Variants in SGIP1 observed in about 807,000 individuals in gnomAD.
SGIP1 encodes SH3GL interacting endocytic adaptor 1.
In SGIP1, 38 loss-of-function variants were observed where a neutral mutation model predicts 107.5. The observed-to-expected ratio is 0.35, with a 90% CI of 0.27 to 0.46. The LOEUF (loss-of-function observed/expected upper bound fraction) is 0.46, where lower values mean the gene tolerates loss of function less well. Ranked by LOEUF, SGIP1 falls within the 20% of genes least tolerant of loss-of-function variation. SGIP1 has a pLI of 1.00. For synonymous variants in SGIP1, 365 were observed against 366.1 expected, an observed-to-expected ratio of 1.00 and a Z score of 0.03; for missense variants, 929 against 1,019.5, an observed-to-expected ratio of 0.91 and a Z score of 1.21.
chr1:66,680,663 T>C (rs1484460718), intron 14 of SGIP1, among the ~76,000 whole-genome samples: 2 of 152,354 alleles, frequency 1.3e-5, no homozygotes, highest in African/African-American at 4.8e-5. Flanking sequence ...CCCTTTTATT[T>C]CCACAAATTG....
At chr1:66,566,281 T>A (rs1384013171) in intron 1 of SGIP1, among the ~76,000 whole-genome samples, 1 of 151,972 alleles carries the variant, frequency 6.6e-6, no homozygotes, top group African/African-American at 2.4e-5. Context: ...TGAGCAAGAG[T>A]GATCCCTAGG....
Position 66,651,530 on chromosome 1 carries a change from A to G in SGIP1, c.459+7811A>G, listed in dbSNP as rs944037125. On this transcript the variant is annotated intron_variant, in intron 7 of 24. Transcript: ENST00000371037. ...CACTAGCTCATTCAAAATATTTTAC[A>G]TACAATTTCTGAATGCTCACATGAA... is the stretch of plus-strand genomic sequence containing the variant. Among the ~76,000 whole-genome samples the G allele has an allele frequency of 4.7e-5, 7 of 150,058 alleles. No individual in the cohort carries two copies. In the South Asian group the frequency reaches 8.5e-4, roughly 18 times the overall value.
chr1:66,681,909 A>C lies in SGIP1; in HGVS notation c.855A>C (p.Leu285=). ...CCACAGAGGTCAAAATTGAAAAACT[A>C]CCATCCATCAATGACTTGGACAGCA... ...QSATEVKIEK[L]PSINDLDSIF... The change falls in exon 15 of 25, where the codon CTA becomes CTC. Residue 285 remains leucine (L), a synonymous_variant. Transcript: ENST00000371037. 1 of 1,613,896 alleles carries C rather than the reference A, an allele frequency of 6.2e-7. No individual in the cohort carries two copies. The highest frequency in any genetic ancestry group is 8.5e-7 in the Non-Finnish European group (1 of 1,179,864).
At chr1:66,690,807 C>G (rs1185334109) in intron 17 of SGIP1, among the ~76,000 whole-genome samples, 1 of 152,100 alleles carries the variant, frequency 6.6e-6, no homozygotes, top group Non-Finnish European at 1.5e-5. Flanking sequence ...CTTGAGCAAA[C>G]TTTTCGACAT....
At chr1:66,714,468 T>C (rs1306519161) in intron 18 of SGIP1, among the ~76,000 whole-genome samples, 1 of 152,196 alleles carries the variant, frequency 6.6e-6, no homozygotes. Context: ...TAGTTTTCCA[T>C]ATGTCTTTTT....
intron 13 of SGIP1, among the ~76,000 whole-genome samples, chr1:66,678,836 T>A (rs965798371): frequency 2.6e-5 from 4 of 152,208 alleles, no homozygotes; most frequent in African/African-American, 9.7e-5. Flanking sequence ...GTTTAGGTTA[T>A]GAGAGATTGG....
chr1:66,731,595 C>T (rs1052445735), intron 20 of SGIP1, among the ~76,000 whole-genome samples: 1 of 152,156 alleles, frequency 6.6e-6, no homozygotes, highest in East Asian at 1.9e-4. Context: ...TACTTGATCA[C>T]TGTAACAGGG....
At chr1:66,597,520 C>T (rs2064954477) in intron 1 of SGIP1, among the ~76,000 whole-genome samples, 1 of 152,142 alleles carries the variant, frequency 6.6e-6, no homozygotes, top group Admixed American at 6.5e-5. Flanking sequence ...ATATTTTCAG[C>T]CAGAGATGGC....
chr1:66,608,897 T>G (rs2067368264), intron 1 of SGIP1, among the ~76,000 whole-genome samples: 1 of 151,002 alleles, frequency 6.6e-6, no homozygotes, highest in Non-Finnish European at 1.5e-5. Flanking sequence ...TGATACATGC[T>G]CTTTTACAAG....
intron 21 of SGIP1, among the ~76,000 whole-genome samples, chr1:66,734,469 T>A (rs554528705): frequency 5.2e-4 from 79 of 152,066 alleles, no homozygotes; most frequent in African/African-American, 1.9e-3. Context: ...GAGTCTCTCA[T>A]TGGTTCCCAG....
At chr1:66,667,766 C>T (rs1435804293) in intron 9 of SGIP1, among the ~76,000 whole-genome samples, 1 of 151,950 alleles carries the variant, frequency 6.6e-6, no homozygotes, top group Non-Finnish European at 1.5e-5. Flanking sequence ...GATGGGAATC[C>T]CAACTCCTAG....
At position 66,562,445 on chromosome 1, in the gene SGIP1, T is replaced by G. The variant is rs146935308; in HGVS notation, c.10+28077T>G. On this transcript the variant is annotated intron_variant, in intron 1 of 24. Transcript: ENST00000371037. The stretch of plus-strand genomic sequence containing the variant: ...AATAGCAGGGAAGAATTCTGGGGAA[T>G]GCAAAAGAGGGAGTATATGAACAAT... Among the ~76,000 whole-genome samples the G allele has an allele frequency of 1.8e-4, 28 of 151,940 alleles. No homozygotes were observed. In the East Asian group the frequency reaches 5.4e-3, roughly 30 times the overall value.
intron 17 of SGIP1, chr1:66,690,644 C>G (rs2089611084): frequency 5.2e-6 from 1 of 190,626 alleles, no homozygotes; most frequent in South Asian, 1.6e-4. Flanking sequence ...TAAAAATAGT[C>G]TCCTTTGAGG....
chr1:66,537,358 G>A (rs972930072), intron 1 of SGIP1, among the ~76,000 whole-genome samples: 2 of 152,046 alleles, frequency 1.3e-5, no homozygotes, highest in African/African-American at 4.8e-5. Flanking sequence ...TGTACATATT[G>A]GCTAAGCTTA....
chr1:66,540,062 A>C (rs1291689510), intron 1 of SGIP1, among the ~76,000 whole-genome samples: 1 of 152,214 alleles, frequency 6.6e-6, no homozygotes, highest in Non-Finnish European at 1.5e-5. Flanking sequence ...ATAACTGTAT[A>C]CTATTCATTA....
At chr1:66,589,751 C>A (rs2063329904) in intron 1 of SGIP1, among the ~76,000 whole-genome samples, 1 of 152,108 alleles carries the variant, frequency 6.6e-6, no homozygotes, top group African/African-American at 2.4e-5. Flanking sequence ...GAATCATATT[C>A]AGGTGTCGTG....
intron 1 of SGIP1, among the ~76,000 whole-genome samples, chr1:66,583,592 G>A (rs1190142418): frequency 1.3e-5 from 2 of 152,016 alleles, no homozygotes; most frequent in Non-Finnish European, 2.9e-5. Context: ...CCTTTCATTA[G>A]GTAAACTTAA....
chr1:66,544,473 G>GC (rs2055846961), intron 1 of SGIP1, among the ~76,000 whole-genome samples: 1 of 152,144 alleles, frequency 6.6e-6, no homozygotes, highest in Non-Finnish European at 1.5e-5. Flanking sequence ...ATCACTTGAA[G>GC]CCAGGAGTTA....
At chr1:66,544,532 C>CA in intron 1 of SGIP1, among the ~76,000 whole-genome samples, 1 of 152,052 alleles carries the variant, frequency 6.6e-6, no homozygotes, top group South Asian at 2.1e-4. Flanking sequence ...ACTAAAATTA[C>CA]AAAAAAATTA....
Sources: gnomAD v4.1 joint callset for allele counts (sites outside exome capture counted in the v4.1 genomes callset) on GRCh38, gnomAD v4.1.1 for gene constraint, MANE v1.5 for transcripts, NCBI Gene and HGNC (gene_info 2026-07-23, HGNC 2026-07-21) for gene names.